TRPM3: variants seen among roughly 807,000 people sequenced by gnomAD.
TRPM3 encodes long transient receptor potential channel 3.
A neutral mutation model predicts 181.2 loss-of-function variants in TRPM3; 77 were observed. The ratio of observed to expected loss-of-function variants is 0.42; its 90% CI spans 0.35 to 0.51. TRPM3 has a LOEUF of 0.51. TRPM3 is among the 20% of genes least tolerant of loss of function. TRPM3 has a pLI of 0.01. For missense variants in TRPM3, 1,759 were observed against 2,196.7 expected, an observed-to-expected ratio of 0.80 and a Z score of 3.98; for synonymous variants, 745 against 796.4, an observed-to-expected ratio of 0.94 and a Z score of 1.09.
intron 9 of TRPM3, among the ~76,000 whole-genome samples, chr9:70,666,266 C>G (rs2061832653): frequency 6.6e-6 from 1 of 152,218 alleles, no homozygotes; most frequent in Admixed American, 6.5e-5. Context: ...CTCCTGGGGG[C>G]AGAACTATCA....
intron 1 of TRPM3, among the ~76,000 whole-genome samples, chr9:71,155,061 C>A (rs1307896699): frequency 1.3e-5 from 2 of 152,142 alleles, no homozygotes; most frequent in Admixed American, 1.3e-4. Context: ...ATCCTCAAAT[C>A]TACAAATGAA....
chr9:71,279,535 G>A (rs2084531703), intron 1 of TRPM3, among the ~76,000 whole-genome samples: 5 of 152,150 alleles, frequency 3.3e-5, no homozygotes, highest in Admixed American at 3.3e-4. Flanking sequence ...CAAGCGTCTT[G>A]GAAAGACACG....
intron 1 of TRPM3, among the ~76,000 whole-genome samples, chr9:71,021,200 A>C (rs2097844280): frequency 6.6e-6 from 1 of 152,240 alleles, no homozygotes; most frequent in Admixed American, 6.5e-5. Flanking sequence ...GTTTGAAGTC[A>C]GAATAATGGT....
intron 16 of TRPM3, 25 bp downstream of exon 16, chr9:70,620,051 A>C (rs763705170): frequency 2.5e-6 from 4 of 1,585,734 alleles, no homozygotes; most frequent in Non-Finnish European, 3.4e-6. Context: ...CCCCCTGACC[A>C]GCCCATTTTG....
intron 1 of TRPM3, among the ~76,000 whole-genome samples, chr9:71,197,091 A>G (rs550397268): frequency 1.3e-5 from 2 of 152,166 alleles, no homozygotes; most frequent in South Asian, 2.1e-4. Flanking sequence ...TCATTGTTCA[A>G]TTCCCACCTA....
chr9:71,308,658 G>T (rs949494473), intron 1 of TRPM3, among the ~76,000 whole-genome samples: 48 of 152,178 alleles, frequency 3.2e-4, no homozygotes, highest in Middle Eastern at 3.4e-3. Flanking sequence ...AGTAATGGGG[G>T]TTTTTTGACA....
At position 71,033,152 on chromosome 9, in the gene TRPM3, G is replaced by A. The variant is rs2057744111; in HGVS notation, c.177+88026C>T. ...AAAAAGAAAGGGTCCTAGATGGTTG[G>A]GGCTTGTAGCCCTTAAAGCAAAAGG... On this transcript the variant is annotated intron_variant, in intron 1 of 25. Coordinates refer to ENST00000677713, the MANE Select transcript of TRPM3 (RefSeq NM_001366145.2). 3.9e-5 allele frequency among the ~76,000 whole-genome samples: 6 copies of A among 152,322 alleles called. 1 individual carries two copies. The South Asian group carries it at 1.2e-3, about 32-fold the overall frequency.
intron 1 of TRPM3, among the ~76,000 whole-genome samples, chr9:71,315,111 A>G (rs1035937626): frequency 6.6e-6 from 1 of 152,118 alleles, no homozygotes; most frequent in Non-Finnish European, 1.5e-5. Context: ...GTAGGGTTTA[A>G]TAAGCACTGA....
chr9:71,443,785 T>C (rs1159453796), intron 1 of TRPM3, among the ~76,000 whole-genome samples: 1 of 152,184 alleles, frequency 6.6e-6, no homozygotes, highest in Admixed American at 6.5e-5. Context: ...CCTCAGATCA[T>C]GAATAAAGTC....
chr9:71,403,161 C>T (rs2093372788), intron 1 of TRPM3, among the ~76,000 whole-genome samples: 1 of 152,134 alleles, frequency 6.6e-6, no homozygotes, highest in African/African-American at 2.4e-5. Context: ...CAGGCCAAAT[C>T]CAGCTGGACA....
chr9:71,384,983 A>C (rs1461627743), intron 1 of TRPM3, among the ~76,000 whole-genome samples: 1 of 152,228 alleles, frequency 6.6e-6, no homozygotes, highest in African/African-American at 2.4e-5. Flanking sequence ...CTGGCAAAAT[A>C]TAACCAAGAA....
At chr9:70,787,763 C>CTTTTTTTTTTTTTTTTTTTTCTTTTTT (rs2084054300) in intron 6 of TRPM3, among the ~76,000 whole-genome samples, 1 of 68,558 alleles carries the variant, frequency 1.5e-5, no homozygotes, top group African/African-American at 5.8e-5. Flanking sequence ...TTTTTGGATT[C>CTTTTTTTTTTTTTTTTTTTTCTTTTTT]TTTTTTTTTT....
rs763892148 is a variant in TRPM3, at chr9:70,625,239, C to T, written c.1761G>A (p.Thr587=). Residue 587 remains threonine (T), a synonymous_variant, in exon 14 of 26, where the codon ACG becomes ACA. Coordinates refer to ENST00000677713, the MANE Select transcript of TRPM3 (RefSeq NM_001366145.2). The surrounding 1 kb of genome is among the most constrained non-coding windows in gnomAD (Gnocchi z 4.8). ...LMGGAYRCNY[T]RKRFRTLYHN... ...GGTAGAGGGTCCGGAAGCGCTTGCGCGTGTAGTTGCAGCGATAAGCCCCGC... is the reference window on the plus strand; with the variant it reads ...GGTAGAGGGTCCGGAAGCGCTTGCGTGTGTAGTTGCAGCGATAAGCCCCGC... 1.2e-6 allele frequency: 2 copies of T among 1,614,056 alleles called. No homozygotes were observed. The highest frequency in any genetic ancestry group is 1.7e-6 in the Non-Finnish European group (2 of 1,180,016).
At chr9:70,574,092 GCA>G (rs1554756427) in intron 22 of TRPM3, among the ~76,000 whole-genome samples, 772 of 119,074 alleles carry the variant, frequency 6.5e-3, no homozygotes, top group Middle Eastern at 0.024. Context: ...ACACGCGCGC[GCA>G]CACACACACA....
In TRPM3 at chr9:70,812,666, G is replaced by C. The variant is rs550765262; in HGVS notation, c.973+15181C>G. On this transcript the variant is annotated intron_variant, in intron 6 of 25. Coordinates refer to ENST00000677713, the MANE Select transcript of TRPM3 (RefSeq NM_001366145.2). ...AATAGACAACACCACAAACCCTCCT[G>C]GAAATTTAGCACAAGCACTTGTTAA... Among the ~76,000 whole-genome samples, 300 of 152,214 alleles carry C rather than the reference G, an allele frequency of 2.0e-3. 4 individuals carry two copies. The highest frequency in any genetic ancestry group is 6.8e-3 in the African/African-American group (282 of 41,538).
chr9:71,237,060 A>AAAAG (rs1294519191), intron 1 of TRPM3, among the ~76,000 whole-genome samples: 2 of 138,982 alleles, frequency 1.4e-5, no homozygotes, highest in African/African-American at 5.5e-5. Flanking sequence ...AAAAAAAAAA[A>AAAAG]GGGGGGGGGA....
chr9:70,791,093 A>G (rs2085277713), intron 6 of TRPM3, among the ~76,000 whole-genome samples: 1 of 152,216 alleles, frequency 6.6e-6, no homozygotes, highest in South Asian at 2.1e-4. Context: ...AGGATAAATT[A>G]TTCAAGACAG....
At chr9:71,240,643 T>C (rs1423001949) in intron 1 of TRPM3, among the ~76,000 whole-genome samples, 1 of 150,800 alleles carries the variant, frequency 6.6e-6, no homozygotes, top group Admixed American at 6.6e-5. Flanking sequence ...ATATATCTTC[T>C]CTTGTTGGAA....
At chr9:70,788,854 T>A (rs542907603) in intron 6 of TRPM3, among the ~76,000 whole-genome samples, 4 of 152,272 alleles carry the variant, frequency 2.6e-5, no homozygotes, top group Admixed American at 6.5e-5. Context: ...CTCACGCTCC[T>A]ATGCAGCTGA....
Sources: allele counts gnomAD v4.1 joint callset (sites outside exome capture counted in the v4.1 genomes callset), GRCh38; gene constraint gnomAD v4.1.1; non-coding constraint Gnocchi (gnomAD v3.1); transcripts MANE v1.5; gene names NCBI Gene and HGNC (gene_info 2026-07-23, HGNC 2026-07-21).